The following GRIP1 variants were observed in gnomAD, a reference collection of about 807,000 sequenced individuals.
GRIP1 encodes glutamate receptor-interacting protein 1.
A neutral mutation model predicts 129.9 loss-of-function variants in GRIP1; 45 were observed. The ratio of observed to expected loss-of-function variants is 0.35; its 90% CI spans 0.27 to 0.44. GRIP1 has a LOEUF of 0.44. Ranked by LOEUF, GRIP1 falls within the 20% of genes least tolerant of loss-of-function variation. The pLI is 1.00. For synonymous variants in GRIP1, 530 were observed against 520.8 expected, an observed-to-expected ratio of 1.02 and a Z score of -0.24; for missense variants, 1,196 against 1,396.8, an observed-to-expected ratio of 0.86 and a Z score of 2.29.
At chr12:66,525,104 A>C (rs1182249284) in intron 5 of GRIP1, among the ~76,000 whole-genome samples, 1 of 152,246 alleles carries the variant, frequency 6.6e-6, no homozygotes, top group African/African-American at 2.4e-5. Context: ...CAAAGCTACA[A>C]GGAGGAGCTG....
intron 17 of GRIP1, among the ~76,000 whole-genome samples, chr12:66,393,964 A>T (rs901974019): frequency 6.6e-6 from 1 of 152,206 alleles, no homozygotes; most frequent in Non-Finnish European, 1.5e-5. Context: ...AATTGTGGTC[A>T]GCTTATACAT....
intron 1 of GRIP1, among the ~76,000 whole-genome samples, chr12:66,792,850 T>A (rs979553828): frequency 5.9e-5 from 9 of 152,266 alleles, no homozygotes; most frequent in African/African-American, 2.2e-4. Context: ...ATTACATAAC[T>A]TGACACTAAG....
At chr12:66,614,731 C>T (rs1014573556) in intron 1 of GRIP1, among the ~76,000 whole-genome samples, 12 of 152,184 alleles carry the variant, frequency 7.9e-5, no homozygotes, top group African/African-American at 2.9e-4. Context: ...TCTACAAGGC[C>T]GTCTGTAATC....
intron 1 of GRIP1, among the ~76,000 whole-genome samples, chr12:67,033,225 T>C (rs1258995059): frequency 6.6e-6 from 1 of 150,684 alleles, no homozygotes; most frequent in Non-Finnish European, 1.5e-5. Flanking sequence ...AACCCAGAAA[T>C]TTCCAATGTG....
intron 13 of GRIP1, among the ~76,000 whole-genome samples, chr12:66,439,892 T>C (rs2058423429): frequency 6.6e-6 from 1 of 150,616 alleles, no homozygotes. Flanking sequence ...GCAGCTGAGG[T>C]CTCCTGAAAA....
chr12:66,981,407 C>A (rs912109175), intron 1 of GRIP1, among the ~76,000 whole-genome samples: 1 of 152,158 alleles, frequency 6.6e-6, no homozygotes, highest in African/African-American at 2.4e-5. Flanking sequence ...TTGCATAAAG[C>A]AAGTGCTCAA....
Position 66,834,976 on chromosome 12 carries a change from C to G in GRIP1, c.58+234074G>C, listed in dbSNP as rs76088573. Reference sequence around the variant, plus strand: ...AGTAGGGGAGGAAAGAATTGATAAGCTACACTTTATTAAAATTAAAAATTT... The same window carrying G: ...AGTAGGGGAGGAAAGAATTGATAAGGTACACTTTATTAAAATTAAAAATTT... On this transcript the variant is annotated intron_variant, in intron 1 of 1. Coordinates refer to the GRIP1 transcript ENST00000643019. Among the ~76,000 whole-genome samples the G allele has an allele frequency of 8.0e-3, 1,190 of 149,484 alleles. 16 individuals carry two copies. Among genetic ancestry groups the G allele is most frequent in the African/African-American group, 0.028 (1,125 of 40,618 alleles).
rs917657872 is a variant in GRIP1 at position 66,633,263 on chromosome 12, T to A, written c.56-36336A>T. On this transcript the variant is annotated intron_variant, in intron 1 of 24. Transcript: ENST00000359742. ...TTATATGTATTATATATAATATATATAAAAATATATTATATATATATTATA... is the reference window on the plus strand; with the variant it reads ...TTATATGTATTATATATAATATATAAAAAAATATATTATATATATATTATA... Among the ~76,000 whole-genome samples, 5 of 146,186 alleles carry A rather than the reference T, an allele frequency of 3.4e-5. No individual in the cohort carries two copies. In the East Asian group the frequency reaches 9.7e-4, roughly 28 times the overall value.
intron 1 of GRIP1, among the ~76,000 whole-genome samples, chr12:67,026,225 T>C (rs982395328): frequency 6.6e-6 from 1 of 152,200 alleles, no homozygotes; most frequent in African/African-American, 2.4e-5. Flanking sequence ...TTTTAAAACA[T>C]TGAAAAACAT....
chr12:66,650,982 G>A (rs2032754358), intron 1 of GRIP1, among the ~76,000 whole-genome samples: 1 of 152,116 alleles, frequency 6.6e-6, no homozygotes, highest in African/African-American at 2.4e-5. Context: ...ACTGCTGTAA[G>A]GACTAAAAGG....
intron 7 of GRIP1, among the ~76,000 whole-genome samples, chr12:66,504,620 T>G (rs188724566): frequency 6.6e-6 from 1 of 152,124 alleles, no homozygotes; most frequent in African/African-American, 2.4e-5. Context: ...TCCTTCTCAA[T>G]GCAGTATTTC....
chr12:66,504,761 TC>T, intron 7 of GRIP1, among the ~76,000 whole-genome samples: 1 of 152,204 alleles, frequency 6.6e-6, no homozygotes, highest in Middle Eastern at 3.4e-3. Context: ...TCCAAGAATA[TC>T]CAGAGAAAGA....
At chr12:66,738,228 C>A (rs1411407306) in intron 1 of GRIP1, among the ~76,000 whole-genome samples, 1 of 145,596 alleles carries the variant, frequency 6.9e-6, no homozygotes, top group Non-Finnish European at 1.5e-5. Flanking sequence ...TTTTTTTTTT[C>A]TTTTTTTTTG....
intron 14 of GRIP1, among the ~76,000 whole-genome samples, chr12:66,425,548 G>A (rs911961349): frequency 6.6e-6 from 1 of 152,068 alleles, no homozygotes; most frequent in Non-Finnish European, 1.5e-5. Context: ...CACTATTCAG[G>A]ATAGCAAAGA....
intron 1 of GRIP1, among the ~76,000 whole-genome samples, chr12:67,030,655 G>A (rs2043009114): frequency 6.6e-6 from 1 of 152,162 alleles, no homozygotes; most frequent in African/African-American, 2.4e-5. Flanking sequence ...GAGAACAGCA[G>A]ATAAAAATAA....
At chr12:66,866,779 C>T (rs982723134) in intron 1 of GRIP1, among the ~76,000 whole-genome samples, 2 of 152,044 alleles carry the variant, frequency 1.3e-5, no homozygotes, top group African/African-American at 4.8e-5. Context: ...AATATATATA[C>T]TGTACTCTTG....
intron 1 of GRIP1, among the ~76,000 whole-genome samples, chr12:66,935,713 C>A (rs1010087796): frequency 6.6e-6 from 1 of 151,896 alleles, no homozygotes; most frequent in African/African-American, 2.4e-5. Context: ...AATTTATAGA[C>A]AAAAAAGGTA....
intron 1 of GRIP1, among the ~76,000 whole-genome samples, chr12:66,974,128 T>C (rs983759262): frequency 1.3e-5 from 2 of 152,068 alleles, no homozygotes; most frequent in Admixed American, 6.6e-5. Flanking sequence ...TTTCTCATGT[T>C]GGCCAGGCTG....
At chr12:66,628,734 T>A (rs2030394786) in intron 1 of GRIP1, among the ~76,000 whole-genome samples, 1 of 152,278 alleles carries the variant, frequency 6.6e-6, no homozygotes, top group South Asian at 2.1e-4. Context: ...AAGAGGTTGC[T>A]GTTGGCACCT....
Sources: allele counts gnomAD v4.1 joint callset (sites outside exome capture counted in the v4.1 genomes callset), GRCh38; gene constraint gnomAD v4.1.1; transcripts MANE v1.5; gene names NCBI Gene and HGNC (gene_info 2026-07-23, HGNC 2026-07-21).